GREB1L: variants seen among roughly 807,000 people sequenced by gnomAD.
The protein encoded by GREB1L is GREB1-like protein.
A neutral mutation model predicts 200.8 loss-of-function variants in GREB1L; 17 were observed. The observed-to-expected ratio is 0.08, with a 90% confidence interval of 0.06 to 0.13. The LOEUF is 0.13. GREB1L is among the 10% of genes least tolerant of loss of function. The probability of loss-of-function intolerance (pLI) is 1.00; values close to 1 mark genes in which losing one functional copy is unlikely to be tolerated. For missense variants in GREB1L, 1,657 were observed against 2,367.7 expected (o/e 0.70, Z 6.23); for synonymous variants, 789 against 893.0 (o/e 0.88, Z 2.08).
intron 1 of GREB1L, among the ~76,000 whole-genome samples, chr18:21,358,232 A>G (rs558404969): frequency 4.8e-4 from 73 of 151,076 alleles, no homozygotes; most frequent in Non-Finnish European, 7.2e-4. Flanking sequence ...ATTTTTTTCC[A>G]TTTCTTTTTT....
chr18:21,513,472 T>C (rs1327811963), intron 27 of GREB1L, among the ~76,000 whole-genome samples: 2 of 152,232 alleles, frequency 1.3e-5, no homozygotes, highest in East Asian at 1.9e-4. Flanking sequence ...AGTAACAGCA[T>C]TTCCTAGATG....
At chr18:21,350,902 C>A (rs1041181364) in intron 1 of GREB1L, among the ~76,000 whole-genome samples, 7 of 152,178 alleles carry the variant, frequency 4.6e-5, no homozygotes, top group African/African-American at 1.7e-4. Flanking sequence ...TCCCTTCATA[C>A]CCCATACCCC....
intron 2 of GREB1L, among the ~76,000 whole-genome samples, chr18:21,372,454 G>A (rs2039912537): frequency 6.6e-6 from 1 of 151,714 alleles, no homozygotes; most frequent in African/African-American, 2.4e-5. Flanking sequence ...CCCCAAATTT[G>A]TCTTTTTAGT....
intron 1 of GREB1L, among the ~76,000 whole-genome samples, chr18:21,277,855 C>T (rs1005939997): frequency 6.6e-6 from 1 of 152,114 alleles, no homozygotes; most frequent in African/African-American, 2.4e-5. Context: ...CATTTTTTAT[C>T]TCTGTATCTT....
At chr18:21,369,781 T>C (rs751705430) in intron 2 of GREB1L, among the ~76,000 whole-genome samples, 28 of 151,876 alleles carry the variant, frequency 1.8e-4, no homozygotes, top group Non-Finnish European at 4.0e-4. Flanking sequence ...ACCCTGTCTC[T>C]ACTAAATAAA....
At chr18:21,273,821 C>G (rs1434017507) in intron 1 of GREB1L, among the ~76,000 whole-genome samples, 1 of 152,036 alleles carries the variant, frequency 6.6e-6, no homozygotes, top group African/African-American at 2.4e-5. Context: ...GCTGGAGGGA[C>G]AGGACAGGTG....
At chr18:21,257,219 C>T (rs1223853350) in intron 1 of GREB1L, among the ~76,000 whole-genome samples, 10 of 152,022 alleles carry the variant, frequency 6.6e-5, no homozygotes, top group South Asian at 4.2e-4. Context: ...CCGCCCGCCT[C>T]GGCTTCCCAA....
intron 1 of GREB1L, among the ~76,000 whole-genome samples, chr18:21,331,939 A>C (rs928914540): frequency 6.6e-6 from 1 of 152,170 alleles, no homozygotes; most frequent in African/African-American, 2.4e-5. Context: ...CTTCACAGTC[A>C]CTCTGAACAA....
chr18:21,405,574 G>A (rs2030098425), intron 7 of GREB1L, among the ~76,000 whole-genome samples: 1 of 152,186 alleles, frequency 6.6e-6, no homozygotes, highest in Non-Finnish European at 1.5e-5. Flanking sequence ...GCTGGGGTGA[G>A]CAGATCACTT....
chr18:21,423,953 A>G (rs528453641), intron 7 of GREB1L, among the ~76,000 whole-genome samples: 34 of 152,322 alleles, frequency 2.2e-4, no homozygotes, highest in Non-Finnish European at 1.2e-4. Context: ...ACGTTCTTGC[A>G]CTTCTGGACT....
chr18:21,269,429 G>A (rs1875674265), intron 1 of GREB1L, among the ~76,000 whole-genome samples: 1 of 152,132 alleles, frequency 6.6e-6, no homozygotes, highest in African/African-American at 2.4e-5. Flanking sequence ...TATCCTTAAA[G>A]CTACTGAACA....
rs762465053 is a variant in GREB1L at position 21,451,162 on chromosome 18, GT to G, written c.1849+12del. On this transcript the variant is annotated intron_variant, in intron 13 of 32. Coordinates refer to ENST00000424526, the MANE Select transcript of GREB1L (RefSeq NM_001142966.3). ...AAACCACATCATTAGGTGAGTGGTTGTAAGATTTGGCAACACTGGCAGCCCC... is the reference window on the plus strand; with the variant it reads ...AAACCACATCATTAGGTGAGTGGTTGAAGATTTGGCAACACTGGCAGCCCC... 6.4e-7 allele frequency: 1 copy of G among 1,550,890 alleles called. No homozygotes were observed. The highest frequency in any genetic ancestry group is 1.2e-5 in the South Asian group (1 of 83,978).
intron 1 of GREB1L, among the ~76,000 whole-genome samples, chr18:21,352,809 A>C (rs1221311527): frequency 1.3e-5 from 2 of 152,296 alleles, no homozygotes; most frequent in South Asian, 4.1e-4. Context: ...TTTATATTCT[A>C]TAATCACATC....
At chr18:21,514,854 G>A (rs1349257686) in intron 28 of GREB1L, among the ~76,000 whole-genome samples, 1 of 152,116 alleles carries the variant, frequency 6.6e-6, no homozygotes, top group African/African-American at 2.4e-5. Context: ...CTGGGGTAGT[G>A]CCCCCTCACA....
At chr18:21,403,848 A>G in intron 6 of GREB1L, 24 bp from the exon 7 acceptor site, 5 of 1,546,854 alleles carry the variant, frequency 3.2e-6, no homozygotes, top group Non-Finnish European at 4.4e-6. Context: ...CACTTCATAC[A>G]ATGTGATTTT....
At chr18:21,298,881 G>A (rs1472032381) in intron 1 of GREB1L, among the ~76,000 whole-genome samples, 1 of 151,846 alleles carries the variant, frequency 6.6e-6, no homozygotes, top group African/African-American at 2.4e-5. Context: ...CTGCATATGA[G>A]CTGTGATCAT....
chr18:21,348,983 G>A (rs932253612), intron 1 of GREB1L, among the ~76,000 whole-genome samples: 24 of 152,004 alleles, frequency 1.6e-4, no homozygotes, highest in Admixed American at 1.2e-3. Flanking sequence ...TGTCCATAGC[G>A]GCCATCTGTG....
At chr18:21,335,092 C>T (rs1391964622) in intron 1 of GREB1L, among the ~76,000 whole-genome samples, 1 of 152,172 alleles carries the variant, frequency 6.6e-6, no homozygotes. Context: ...AAAAGTGGGT[C>T]ATTTGTACCT....
chr18:21,475,049 A>T (rs1434079340), intron 16 of GREB1L, among the ~76,000 whole-genome samples: 1 of 152,072 alleles, frequency 6.6e-6, no homozygotes, highest in Non-Finnish European at 1.5e-5. Context: ...ATATCACTGC[A>T]CTCTGGATGA....
Sources: allele counts gnomAD v4.1 joint callset (sites outside exome capture counted in the v4.1 genomes callset), GRCh38; gene constraint gnomAD v4.1.1; transcripts MANE v1.5; gene names NCBI Gene and HGNC (gene_info 2026-07-23, HGNC 2026-07-21).